The following GALNT10 variants were observed in gnomAD, a reference collection of about 807,000 sequenced individuals.
The protein encoded by GALNT10 is polypeptide N-acetylgalactosaminyltransferase 10.
In GALNT10, 41 loss-of-function variants were observed where a neutral mutation model predicts 75.0. The observed-to-expected ratio is 0.55, with a 90% confidence interval of 0.43 to 0.71. The LOEUF is 0.71. Ranked by LOEUF, GALNT10 falls within the 30% of genes least tolerant of loss-of-function variation. The pLI is 0.00. For missense variants in GALNT10, 727 were observed against 818.5 expected, an observed-to-expected ratio of 0.89 and a Z score of 1.36; for synonymous variants, 302 against 313.0, an observed-to-expected ratio of 0.96 and a Z score of 0.37.
At chr5:154,288,197 C>T (rs1754140694) in intron 1 of GALNT10, among the ~76,000 whole-genome samples, 1 of 152,140 alleles carries the variant, frequency 6.6e-6, no homozygotes. Flanking sequence ...GCTGTTTGAG[C>T]GCATACAGCC....
In GALNT10 at chr5:154,270,208, T is replaced by C. The variant is rs139567558; in HGVS notation, c.160-24608T>C. ...CCAACAAAAGCTTACATCTCACATC[T>C]TTCAGCCTATACCCACACATCTATT... is the stretch of plus-strand genomic sequence containing the variant. On this transcript the variant is annotated intron_variant, in intron 1 of 11. Coordinates refer to ENST00000297107, the MANE Select transcript of GALNT10 (RefSeq NM_198321.4). Among the ~76,000 whole-genome samples the C allele has an allele frequency of 2.0e-4, 30 of 151,160 alleles. 1 individual carries two copies. In the East Asian group the frequency reaches 5.0e-3, roughly 25 times the overall value.
chr5:154,379,545 C>T (rs1755703238), intron 5 of GALNT10, among the ~76,000 whole-genome samples: 2 of 152,344 alleles, frequency 1.3e-5, no homozygotes, highest in South Asian at 2.1e-4. Context: ...GCCCACTTGT[C>T]TCCCACAGCA....
Position 154,412,020 on chromosome 5 carries a change from A to G in GALNT10, c.1387-869A>G, listed in dbSNP as rs1197227649. Among the ~76,000 whole-genome samples, 2 of 152,162 alleles carry G rather than the reference A, an allele frequency of 1.3e-5. No individual in the cohort carries two copies. The highest frequency in any genetic ancestry group is 1.5e-5 in the Non-Finnish European group (1 of 68,036). On this transcript the variant is annotated intron_variant, in intron 9 of 11. Coordinates refer to ENST00000297107, the MANE Select transcript of GALNT10 (RefSeq NM_198321.4). The surrounding 1 kb of genome is among the most constrained non-coding windows in gnomAD (Gnocchi z 4.2). Reference sequence around the variant, plus strand: ...AAATCACCAGCCAGAGGAGTTCAACATCTCGCAAGAGTGGGTCTGCCTCAC... The same window carrying G: ...AAATCACCAGCCAGAGGAGTTCAACGTCTCGCAAGAGTGGGTCTGCCTCAC...
chr5:154,390,183 AT>A (rs1755870895), intron 7 of GALNT10, among the ~76,000 whole-genome samples: 1 of 152,212 alleles, frequency 6.6e-6, no homozygotes, highest in South Asian at 2.1e-4. Flanking sequence ...TGCTGGGAGA[AT>A]TTCACAAAGC....
chr5:154,301,317 A>T (rs1341555544), intron 3 of GALNT10, among the ~76,000 whole-genome samples: 2 of 152,120 alleles, frequency 1.3e-5, no homozygotes, highest in Admixed American at 6.5e-5. Context: ...TCCCATGGAC[A>T]CTCATCACTA....
Position 154,418,097 on chromosome 5 carries a change from T to G in GALNT10, c.*1125T>G, listed in dbSNP as rs1756552680. On this transcript the variant is annotated 3_prime_UTR_variant, in exon 12 of 12. Transcript: ENST00000297107. Reference sequence around the variant, plus strand: ...TCCAATATGGATTTCTAGAATGCTGTGATTAAAGGAGCCAGCCAGGTGTAA... The same window carrying G: ...TCCAATATGGATTTCTAGAATGCTGGGATTAAAGGAGCCAGCCAGGTGTAA... 6.6e-6 allele frequency: 1 copy of G among 152,302 alleles called. No individual in the cohort carries two copies. The highest frequency in any genetic ancestry group is 1.9e-4 in the East Asian group (1 of 5,186). The allele number at this position is 152,302 out of a possible 1,614,324, so 9.4% of individuals were successfully genotyped here.
intron 4 of GALNT10, among the ~76,000 whole-genome samples, chr5:154,344,663 G>A (rs1755092875): frequency 6.6e-6 from 1 of 152,088 alleles, no homozygotes; most frequent in African/African-American, 2.4e-5. Context: ...TCAAGTTCAG[G>A]TATTTGCAAG....
chr5:154,328,106 G>A (rs1754784128), intron 3 of GALNT10, among the ~76,000 whole-genome samples: 1 of 150,676 alleles, frequency 6.6e-6, no homozygotes, highest in Non-Finnish European at 1.5e-5. Context: ...GAGGGCAGAA[G>A]CTTATGTATA....
At chr5:154,368,538 A>G (rs1403526425) in intron 4 of GALNT10, among the ~76,000 whole-genome samples, 1 of 152,228 alleles carries the variant, frequency 6.6e-6, no homozygotes, top group Non-Finnish European at 1.5e-5. Context: ...ATTATGCCTG[A>G]AATTGTCTTA....
chr5:154,316,479 T>C (rs941034755), intron 3 of GALNT10, among the ~76,000 whole-genome samples: 6 of 152,250 alleles, frequency 3.9e-5, no homozygotes, highest in Admixed American at 2.0e-4. Flanking sequence ...GGCCTGGGCA[T>C]GAGGCTGTGC....
intron 1 of GALNT10, among the ~76,000 whole-genome samples, chr5:154,285,701 C>T (rs189400275): frequency 6.6e-6 from 1 of 152,166 alleles, no homozygotes; most frequent in African/African-American, 2.4e-5. Flanking sequence ...CCAGCCTCCA[C>T]CCCTCCTCTT....
rs1755812707 is a variant in GALNT10 at position 154,386,726 on chromosome 5, C to G, written c.1056+296C>G. 3.1e-5 allele frequency: 17 copies of G among 550,232 alleles called. 1 individual carries two copies. In the South Asian group the frequency reaches 4.0e-4, roughly 13 times the overall value. 34.1% of individuals were successfully genotyped at this position (550,232 alleles called of 1,614,324 possible). On this transcript the variant is annotated intron_variant, in intron 7 of 11. Transcript: ENST00000297107. Reference sequence around the variant, plus strand: ...GTTGGAATAAGGTCTTGCTTCTACTCAGATGGCAGGTCTGAGATTGAGATG... The same window carrying G: ...GTTGGAATAAGGTCTTGCTTCTACTGAGATGGCAGGTCTGAGATTGAGATG...
chr5:154,403,456 G>C (rs1756209375), intron 7 of GALNT10, among the ~76,000 whole-genome samples: 2 of 152,356 alleles, frequency 1.3e-5, no homozygotes, highest in South Asian at 4.1e-4. Flanking sequence ...GCAAGACCCA[G>C]CTGCACAGCC....
chr5:154,378,405 G>T (rs995351993), intron 5 of GALNT10, among the ~76,000 whole-genome samples: 5 of 151,782 alleles, frequency 3.3e-5, no homozygotes, highest in African/African-American at 1.2e-4. Flanking sequence ...TTTGACCATT[G>T]CCTGGTAAGG....
intron 1 of GALNT10, among the ~76,000 whole-genome samples, chr5:154,202,869 G>A (rs1775047585): frequency 6.6e-6 from 1 of 152,118 alleles, no homozygotes; most frequent in African/African-American, 2.4e-5. Flanking sequence ...TCAGCCTGGG[G>A]TGTGCCTCTC....
At chr5:154,377,523 G>A in intron 5 of GALNT10, among the ~76,000 whole-genome samples, 1 of 152,194 alleles carries the variant, frequency 6.6e-6, no homozygotes, top group Admixed American at 6.5e-5. Flanking sequence ...AGGAGGCCCG[G>A]GGTGGAGCCT....
At chr5:154,318,428 A>T (rs574805008) in intron 3 of GALNT10, among the ~76,000 whole-genome samples, 26 of 129,552 alleles carry the variant, frequency 2.0e-4, no homozygotes, top group African/African-American at 7.4e-4. Context: ...TTGATAAATT[A>T]TCCCTATAAA....
Position 154,333,341 on chromosome 5 carries a change from G to A in GALNT10, c.568+3603G>A, listed in dbSNP as rs189317794. 1.6e-3 allele frequency among the ~76,000 whole-genome samples: 249 copies of A among 152,270 alleles called. 2 individuals are homozygous for A. In the Middle Eastern group the frequency reaches 0.017, roughly 10 times the overall value. Reference sequence around the variant, plus strand: ...CCACAGTGCAGCCTTGTCCCCACTCGCCTTGGGTGGTTAAGTGACACATCT... The same window carrying A: ...CCACAGTGCAGCCTTGTCCCCACTCACCTTGGGTGGTTAAGTGACACATCT... On this transcript the variant is annotated intron_variant, in intron 4 of 11. Coordinates refer to ENST00000297107, the MANE Select transcript of GALNT10 (RefSeq NM_198321.4).
intron 1 of GALNT10, among the ~76,000 whole-genome samples, chr5:154,210,797 A>G (rs1775185017): frequency 6.6e-6 from 1 of 152,268 alleles, no homozygotes; most frequent in African/African-American, 2.4e-5. Flanking sequence ...AAATTTGAAT[A>G]TGAACTGTAG....
Sources: gnomAD v4.1 joint callset for allele counts (sites outside exome capture counted in the v4.1 genomes callset) on GRCh38, gnomAD v4.1.1 for gene constraint, Gnocchi (gnomAD v3.1) non-coding constraint, MANE v1.5 for transcripts, NCBI Gene and HGNC (gene_info 2026-07-23, HGNC 2026-07-21) for gene names.